Variants in EBF2 observed in about 807,000 individuals in gnomAD.
EBF2 encodes the protein EBF transcription factor 2.
Under a neutral mutation model 72.8 loss-of-function variants are expected in EBF2, and 21 were observed. The ratio of observed to expected loss-of-function variants is 0.29; its 90% CI spans 0.20 to 0.42. The LOEUF (loss-of-function observed/expected upper bound fraction) is 0.42. Ranked by LOEUF, EBF2 falls within the 10% of genes least tolerant of loss-of-function variation. The pLI, the probability that EBF2 is intolerant of heterozygous loss-of-function variation, is 1.00. For missense variants in EBF2, 637 were observed against 731.2 expected (o/e 0.87, Z 1.49); for synonymous variants, 299 against 274.2 (o/e 1.09, Z -0.89).
chr8:26,042,612 G>T (rs533649872), intron 1 of EBF2, among the ~76,000 whole-genome samples: 1 of 152,206 alleles, frequency 6.6e-6, no homozygotes, highest in Non-Finnish European at 1.5e-5. Flanking sequence ...ATACCGTGGG[G>T]CTGTCTCCAT....
chr8:25,967,913 C>T (rs111901436), intron 6 of EBF2, among the ~76,000 whole-genome samples: 1 of 152,140 alleles, frequency 6.6e-6, no homozygotes, highest in African/African-American at 2.4e-5. Flanking sequence ...ATGAGGTTTC[C>T]AGTAGCCAGG....
At chr8:25,932,218 C>T (rs1209307687) in intron 6 of EBF2, among the ~76,000 whole-genome samples, 1 of 152,018 alleles carries the variant, frequency 6.6e-6, no homozygotes, top group Non-Finnish European at 1.5e-5. Context: ...GCCTTAGTTT[C>T]CTCATTTATA....
intron 6 of EBF2, among the ~76,000 whole-genome samples, chr8:25,915,467 C>T (rs1004793771): frequency 5.3e-5 from 8 of 152,102 alleles, no homozygotes; most frequent in African/African-American, 1.9e-4. Flanking sequence ...TCAGGGAGTG[C>T]ACTCTCTAGA....
chr8:26,027,392 G>C (rs1337445447), intron 6 of EBF2, among the ~76,000 whole-genome samples: 1 of 151,954 alleles, frequency 6.6e-6, no homozygotes, highest in Non-Finnish European at 1.5e-5. Context: ...GACCAAAGGT[G>C]AAACCAGCAG....
intron 6 of EBF2, among the ~76,000 whole-genome samples, chr8:25,911,293 C>T (rs1159896811): frequency 6.6e-6 from 1 of 152,210 alleles, no homozygotes; most frequent in Non-Finnish European, 1.5e-5. Context: ...TCCACTTTCT[C>T]CAAACAATGT....
At chr8:25,883,386 G>A (rs371313316) in intron 10 of EBF2, among the ~76,000 whole-genome samples, 6 of 149,312 alleles carry the variant, frequency 4.0e-5, no homozygotes, top group Admixed American at 2.7e-4. Flanking sequence ...GCTGAATCTA[G>A]TTATTGTAAT....
chr8:26,014,058 G>A (rs988793582), intron 6 of EBF2, among the ~76,000 whole-genome samples: 1 of 152,072 alleles, frequency 6.6e-6, no homozygotes, highest in Non-Finnish European at 1.5e-5. Flanking sequence ...TTTGTATTAG[G>A]TGAAATGAAA....
chr8:25,862,658 C>A, intron 11 of EBF2, 51 bp downstream of exon 11: 1 of 1,453,776 alleles, frequency 6.9e-7, no homozygotes, highest in South Asian at 1.3e-5. Flanking sequence ...GTCTAAGTTT[C>A]CTGAAATTCT....
chr8:25,859,793 T>G (rs1383939323), intron 13 of EBF2, among the ~76,000 whole-genome samples: 1 of 151,440 alleles, frequency 6.6e-6, no homozygotes, highest in East Asian at 1.9e-4. Context: ...CATGGCTCAC[T>G]GCAGCTTCAA....
chr8:25,871,732 T>G (rs1243797245), intron 10 of EBF2, among the ~76,000 whole-genome samples: 1 of 152,220 alleles, frequency 6.6e-6, no homozygotes, highest in Non-Finnish European at 1.5e-5. Flanking sequence ...AAATCCCATT[T>G]GGATCAGCCT....
chr8:25,989,274 T>G (rs1292975804), intron 6 of EBF2, among the ~76,000 whole-genome samples: 1 of 152,206 alleles, frequency 6.6e-6, no homozygotes, highest in East Asian at 1.9e-4. Flanking sequence ...TGCTGGGTGT[T>G]GACAGATAAC....
chr8:25,854,186 T>G (rs1188087165), intron 14 of EBF2, among the ~76,000 whole-genome samples: 1 of 151,330 alleles, frequency 6.6e-6, no homozygotes, highest in Non-Finnish European at 1.5e-5. Flanking sequence ...CATTTAAGGC[T>G]GTACTACTTA....
chr8:25,952,350 C>T (rs1021670073), intron 6 of EBF2, among the ~76,000 whole-genome samples: 2 of 151,106 alleles, frequency 1.3e-5, no homozygotes, highest in African/African-American at 4.9e-5. Context: ...TTTTTGTTGG[C>T]CTATTGTAAT....
chr8:25,933,106 G>A (rs770466729), intron 6 of EBF2, among the ~76,000 whole-genome samples: 6 of 152,264 alleles, frequency 3.9e-5, no homozygotes, highest in Non-Finnish European at 8.8e-5. Flanking sequence ...AACAGGTCTC[G>A]TAGGCATGCT....
chr8:26,023,560 C>T (rs916282734), intron 6 of EBF2, among the ~76,000 whole-genome samples: 1 of 152,142 alleles, frequency 6.6e-6, no homozygotes, highest in Middle Eastern at 3.2e-3. Context: ...AGTTGGTTTT[C>T]GTCTTTCTCC....
At chr8:26,019,310 G>C (rs1458118121) in intron 6 of EBF2, among the ~76,000 whole-genome samples, 1 of 144,126 alleles carries the variant, frequency 6.9e-6, no homozygotes, top group Non-Finnish European at 1.5e-5. Flanking sequence ...AAAAAAAAAA[G>C]GTTGGCTTTG....
At chr8:26,015,164 C>T (rs968262117) in intron 6 of EBF2, among the ~76,000 whole-genome samples, 3 of 152,142 alleles carry the variant, frequency 2.0e-5, no homozygotes, top group Admixed American at 2.0e-4. Flanking sequence ...GGTCATGGTG[C>T]TGTGACCTCT....
At chr8:25,959,803 T>C (rs1804008281) in intron 6 of EBF2, among the ~76,000 whole-genome samples, 1 of 151,942 alleles carries the variant, frequency 6.6e-6, no homozygotes, top group Non-Finnish European at 1.5e-5. Context: ...GCATCCAAAA[T>C]GGAAGGGCTT....
intron 8 of EBF2, 27 bp downstream of exon 8, chr8:25,889,725 T>A: frequency 6.4e-7 from 1 of 1,555,928 alleles, no homozygotes; most frequent in Non-Finnish European, 8.9e-7. Flanking sequence ...TTCATGTGTC[T>A]GCTATGCTGA....
Sources: gnomAD v4.1 joint callset for allele counts (sites outside exome capture counted in the v4.1 genomes callset) on GRCh38, gnomAD v4.1.1 for gene constraint, MANE v1.5 for transcripts, NCBI Gene and HGNC (gene_info 2026-07-23, HGNC 2026-07-21) for gene names.